ERC2: variants seen among roughly 807,000 people sequenced by gnomAD.
ERC2 encodes the protein ERC protein 2.
ERC2 carries 42 observed loss-of-function variants against 114.8 expected under a neutral mutation model. That is an observed-to-expected ratio of 0.37 (90% CI 0.29 to 0.47). The LOEUF (loss-of-function observed/expected upper bound fraction) is 0.47. Among genes scored for constraint, ERC2 ranks in the 20% least tolerant of loss-of-function variants. ERC2 has a pLI of 0.99. For missense variants in ERC2, 939 were observed against 1,150.7 expected (o/e 0.82, Z 2.66); for synonymous variants, 454 against 425.5 (o/e 1.07, Z -0.82).
At chr3:56,139,462 A>T in intron 6 of ERC2, 47 bp downstream of exon 6, 8 of 1,565,856 alleles carry the variant, frequency 5.1e-6, no homozygotes, top group Non-Finnish European at 6.9e-6. Flanking sequence ...GGCAATTTCT[A>T]TCAATTCAAT....
rs1205906832 is a variant in ERC2 at position 56,296,300 on chromosome 3, G to A, written c.793C>T (p.Arg265Trp). 3 of 1,613,882 alleles carry A rather than the reference G, an allele frequency of 1.9e-6. No individual in the cohort carries two copies. The highest frequency in any genetic ancestry group is 2.5e-6 in the Non-Finnish European group (3 of 1,179,898). ...TGCCTGTCATGCTCGGCTTGGAGCC[G>A]CCTAAAGTTCTCCTCGGTCAGCTCG... ...TIELTEENFR[R>W]LQAEHDRQAK... Residue 265 changes from arginine (R) to tryptophan (W), a missense_variant, in exon 3 of 18, where the codon CGG becomes TGG. Coordinates refer to ENST00000288221, the MANE Select transcript of ERC2 (RefSeq NM_015576.3).
intron 13 of ERC2, among the ~76,000 whole-genome samples, chr3:55,888,953 T>C (rs902089436): frequency 1.3e-5 from 2 of 152,166 alleles, no homozygotes; most frequent in African/African-American, 2.4e-5. Flanking sequence ...CCTTAAAAAA[T>C]GTTTCAAACA....
chr3:56,388,616 G>C (rs530171459), intron 2 of ERC2, among the ~76,000 whole-genome samples: 3 of 152,150 alleles, frequency 2.0e-5, no homozygotes, highest in Admixed American at 2.0e-4. Flanking sequence ...TTGAAGTCTA[G>C]ACTTCCAATG....
At chr3:55,529,647 T>G (rs1191076371) in intron 17 of ERC2, among the ~76,000 whole-genome samples, 2 of 152,164 alleles carry the variant, frequency 1.3e-5, no homozygotes, top group Non-Finnish European at 2.9e-5. Context: ...ACTGACATTG[T>G]GCAAAGGAGT....
chr3:56,054,950 T>C (rs7623143), intron 7 of ERC2, among the ~76,000 whole-genome samples: 78,191 of 152,032 alleles, frequency 0.51, 20,631 homozygotes, highest in East Asian at 0.72. Context: ...ATGTCGGTCT[T>C]CAGAGGCTCA....
intron 17 of ERC2, among the ~76,000 whole-genome samples, chr3:55,678,477 C>G (rs1037142570): frequency 2.6e-5 from 4 of 152,150 alleles, no homozygotes; most frequent in Non-Finnish European, 5.9e-5. Context: ...CCTCCTACAA[C>G]TCTGGGGTTT....
At chr3:56,097,741 C>T (rs772954252) in intron 6 of ERC2, among the ~76,000 whole-genome samples, 3 of 152,098 alleles carry the variant, frequency 2.0e-5, no homozygotes, top group Non-Finnish European at 4.4e-5. Context: ...TTTTATGATG[C>T]CATTTTGTTA....
intron 6 of ERC2, among the ~76,000 whole-genome samples, chr3:56,101,972 T>C (rs953549521): frequency 1.3e-5 from 2 of 152,196 alleles, no homozygotes; most frequent in Non-Finnish European, 2.9e-5. Context: ...TGGATTTTGA[T>C]TGGGCTACCT....
At chr3:56,124,369 A>G (rs1280378304) in intron 6 of ERC2, among the ~76,000 whole-genome samples, 2 of 152,230 alleles carry the variant, frequency 1.3e-5, no homozygotes, top group African/African-American at 2.4e-5. Flanking sequence ...TTACAGAAGT[A>G]TAACACCCAG....
intron 14 of ERC2, among the ~76,000 whole-genome samples, chr3:55,836,039 C>G (rs938899093): frequency 6.6e-6 from 1 of 150,814 alleles, no homozygotes; most frequent in Non-Finnish European, 1.5e-5. Context: ...AGGACTCCAA[C>G]TTACAAGGGA....
intron 2 of ERC2, among the ~76,000 whole-genome samples, chr3:56,415,084 T>C (rs1282770956): frequency 2.6e-5 from 4 of 152,188 alleles, no homozygotes; most frequent in Non-Finnish European, 5.9e-5. Flanking sequence ...GTTTTCAATC[T>C]TAACAACTAA....
chr3:55,574,680 G>A (rs970360716), intron 17 of ERC2, among the ~76,000 whole-genome samples: 13 of 152,162 alleles, frequency 8.5e-5, no homozygotes, highest in African/African-American at 3.1e-4. Flanking sequence ...TAAGAAGTTT[G>A]CAGGGTGATG....
chr3:56,358,225 T>C (rs1216552969), intron 2 of ERC2, among the ~76,000 whole-genome samples: 1 of 152,194 alleles, frequency 6.6e-6, no homozygotes. Flanking sequence ...GGTTTCTGAT[T>C]ACACCGAACA....
intron 6 of ERC2, among the ~76,000 whole-genome samples, chr3:56,083,110 C>T (rs1181007203): frequency 6.6e-6 from 1 of 152,106 alleles, no homozygotes; most frequent in Non-Finnish European, 1.5e-5. Context: ...TAGAGATGCC[C>T]ACAGCAACAT....
chr3:55,993,068 T>A (rs2071204583), intron 10 of ERC2, among the ~76,000 whole-genome samples: 1 of 152,124 alleles, frequency 6.6e-6, no homozygotes, highest in South Asian at 2.1e-4. Flanking sequence ...GCTTTTTTTT[T>A]TCCCAAAATA....
At chr3:55,755,095 T>C (rs957603395) in intron 14 of ERC2, among the ~76,000 whole-genome samples, 1 of 150,842 alleles carries the variant, frequency 6.6e-6, no homozygotes, top group African/African-American at 2.4e-5. Context: ...TTTTTTTTTT[T>C]CATCTTAGCC....
intron 3 of ERC2, among the ~76,000 whole-genome samples, chr3:56,275,785 CCACAGGAGACA>C (rs1450009512): frequency 1.3e-5 from 2 of 152,128 alleles, no homozygotes; most frequent in Non-Finnish European, 2.9e-5. Flanking sequence ...TGACTCTATC[CCACAGGAGACA>C]CCTGGCAATG....
At chr3:56,325,288 C>CA (rs1262681416) in intron 2 of ERC2, among the ~76,000 whole-genome samples, 19 of 151,876 alleles carry the variant, frequency 1.3e-4, no homozygotes, top group African/African-American at 4.6e-4. Context: ...ACTAAAAATA[C>CA]AAAAAAATTT....
intron 6 of ERC2, among the ~76,000 whole-genome samples, chr3:56,105,048 G>A (rs1488006591): frequency 6.6e-6 from 1 of 151,918 alleles, no homozygotes; most frequent in African/African-American, 2.4e-5. Context: ...TTTGCAATGT[G>A]AGGAGCTAGG....
Sources: allele counts gnomAD v4.1 joint callset (sites outside exome capture counted in the v4.1 genomes callset), GRCh38; gene constraint gnomAD v4.1.1; transcripts MANE v1.5; gene names NCBI Gene and HGNC (gene_info 2026-07-23, HGNC 2026-07-21).